CADM2: variants seen among roughly 807,000 people sequenced by gnomAD.
CADM2 encodes the protein cell adhesion molecule 2, also known as immunoglobulin superfamily member 4D.
CADM2 carries 12 observed loss-of-function variants against 49.8 expected under a neutral mutation model. That is an observed-to-expected ratio of 0.24 (90% CI 0.15 to 0.39). The LOEUF (loss-of-function observed/expected upper bound fraction) is 0.39, where lower values mean the gene tolerates loss of function less well. Among genes scored for constraint, CADM2 ranks in the 10% least tolerant of loss-of-function variants. The pLI is 1.00. For missense variants in CADM2, 378 were observed against 492.3 expected, an observed-to-expected ratio of 0.77 and a Z score of 2.20; for synonymous variants, 214 against 175.4, an observed-to-expected ratio of 1.22 and a Z score of -1.74.
intron 1 of CADM2, among the ~76,000 whole-genome samples, chr3:85,455,893 T>A (rs1432518306): frequency 6.6e-6 from 1 of 152,306 alleles, no homozygotes; most frequent in South Asian, 2.1e-4. Context: ...TCCAGGGATA[T>A]TCTGCTTCAT....
intron 1 of CADM2, among the ~76,000 whole-genome samples, chr3:85,444,144 C>A (rs561206028): frequency 1.3e-5 from 2 of 152,054 alleles, no homozygotes; most frequent in Non-Finnish European, 2.9e-5. Flanking sequence ...TATTTTAGCA[C>A]CTATAGAACT....
intron 1 of CADM2, among the ~76,000 whole-genome samples, chr3:84,961,831 T>G (rs2030554726): frequency 6.6e-6 from 1 of 152,216 alleles, no homozygotes; most frequent in Admixed American, 6.5e-5. Flanking sequence ...ATGTGGGCCA[T>G]GGACTGCACT....
intron 1 of CADM2, among the ~76,000 whole-genome samples, chr3:85,661,701 C>G (rs1468008189): frequency 6.6e-6 from 1 of 151,858 alleles, no homozygotes; most frequent in Non-Finnish European, 1.5e-5. Flanking sequence ...AAGTGAAAGA[C>G]CACTAGCTCA....
Position 85,034,790 on chromosome 3 carries a change from C to CTTTTTTTTTTTTTTTTTTTTTTTTTT in CADM2, c.61+75146_61+75147insTTTTTTTTTTTTTTTTTTTTTTTTTT, listed in dbSNP as rs1179967499. ...TATCTTTTAGATAAAAGACATTTTG[C>CTTTTTTTTTTTTTTTTTTTTTTTTTT]TTTTTTTTTTTTTTTTTTTTTTTTA... On this transcript the variant is annotated intron_variant, in intron 1 of 9. Transcript: ENST00000383699. Among the ~76,000 whole-genome samples the CTTTTTTTTTTTTTTTTTTTTTTTTTT allele has an allele frequency of 3.0e-4, 25 of 84,060 alleles. 2 individuals are homozygous for CTTTTTTTTTTTTTTTTTTTTTTTTTT. The highest frequency in any genetic ancestry group is 7.4e-4 in the East Asian group (2 of 2,700). 55.1% of individuals were successfully genotyped at this position (84,060 alleles called of 152,430 possible). A position where few individuals can be genotyped will look rare whatever the true frequency, so the allele number is the denominator to read the frequency against.
chr3:85,160,675 TACTC>T (rs1461059742), intron 1 of CADM2, among the ~76,000 whole-genome samples: 5 of 152,314 alleles, frequency 3.3e-5, no homozygotes, highest in African/African-American at 1.2e-4. Flanking sequence ...AAGTTAAAAA[TACTC>T]AGTTGTTATT....
At chr3:85,684,558 G>A (rs1437721066) in intron 1 of CADM2, among the ~76,000 whole-genome samples, 3 of 152,104 alleles carry the variant, frequency 2.0e-5, no homozygotes, top group African/African-American at 7.2e-5. Context: ...CATGCTGCTG[G>A]TAAAGACATA....
intron 1 of CADM2, among the ~76,000 whole-genome samples, chr3:85,589,795 T>C (rs2063052668): frequency 6.6e-6 from 1 of 151,986 alleles, no homozygotes; most frequent in Non-Finnish European, 1.5e-5. Flanking sequence ...GACCTTAGTT[T>C]AGGAATTTAT....
chr3:85,770,983 T>C (rs2070053233), intron 2 of CADM2, among the ~76,000 whole-genome samples: 2 of 152,324 alleles, frequency 1.3e-5, no homozygotes, highest in South Asian at 4.1e-4. Flanking sequence ...ATGATACATG[T>C]CACTTATCCT....
intron 8 of CADM2, among the ~76,000 whole-genome samples, chr3:86,040,459 G>A (rs1217548012): frequency 6.6e-6 from 1 of 152,094 alleles, no homozygotes; most frequent in East Asian, 1.9e-4. Context: ...TAGCTGATTC[G>A]ATCAACTGGA....
At chr3:85,471,696 T>TTATTTTATTTTATTG (rs1184793567) in intron 1 of CADM2, among the ~76,000 whole-genome samples, 2 of 149,724 alleles carry the variant, frequency 1.3e-5, no homozygotes, top group Non-Finnish European at 3.0e-5. Context: ...GCATTTTATT[T>TTATTTTATTTTATTG]TATTTTATTT....
intron 1 of CADM2, among the ~76,000 whole-genome samples, chr3:85,430,616 G>A (rs921794224): frequency 6.6e-6 from 1 of 151,092 alleles, no homozygotes; most frequent in Non-Finnish European, 1.5e-5. Flanking sequence ...AGGGGGCGGT[G>A]GGGGGGAGTA....
intron 1 of CADM2, among the ~76,000 whole-genome samples, chr3:85,282,729 C>T (rs1269624615): frequency 6.6e-6 from 1 of 152,018 alleles, no homozygotes; most frequent in African/African-American, 2.4e-5. Context: ...GTTTTTATTT[C>T]ATTCTGCATA....
intron 2 of CADM2, among the ~76,000 whole-genome samples, chr3:85,779,283 G>A (rs2070512238): frequency 6.6e-6 from 1 of 151,934 alleles, no homozygotes; most frequent in Non-Finnish European, 1.5e-5. Context: ...TATTTGTAAA[G>A]CTACTCTTTA....
intron 1 of CADM2, among the ~76,000 whole-genome samples, chr3:85,150,363 C>G (rs1424615707): frequency 2.0e-5 from 3 of 152,136 alleles, no homozygotes; most frequent in Non-Finnish European, 4.4e-5. Flanking sequence ...CACTGCTGAA[C>G]TCTCAGAGAC....
chr3:85,231,995 G>C (rs748315492), intron 1 of CADM2, among the ~76,000 whole-genome samples: 18 of 151,720 alleles, frequency 1.2e-4, no homozygotes, highest in Non-Finnish European at 2.5e-4. Context: ...GATTACAGAC[G>C]TGAGCCATTG....
At chr3:85,492,947 G>A (rs1300227397) in intron 1 of CADM2, among the ~76,000 whole-genome samples, 3 of 152,020 alleles carry the variant, frequency 2.0e-5, no homozygotes, top group Non-Finnish European at 4.4e-5. Context: ...TTTATAACTC[G>A]TATAAATTAG....
intron 8 of CADM2, among the ~76,000 whole-genome samples, chr3:86,047,019 T>A (rs1264348497): frequency 6.6e-6 from 1 of 152,072 alleles, no homozygotes; most frequent in Non-Finnish European, 1.5e-5. Flanking sequence ...AACATTTATC[T>A]AGTATCGTAA....
chr3:85,663,009 T>A (rs1044966981), intron 1 of CADM2, among the ~76,000 whole-genome samples: 2 of 152,012 alleles, frequency 1.3e-5, no homozygotes, highest in Non-Finnish European at 2.9e-5. Context: ...ATTACCTAGT[T>A]TTCGTAACTA....
chr3:85,584,972 A>C (rs2062896603), intron 1 of CADM2, among the ~76,000 whole-genome samples: 1 of 152,082 alleles, frequency 6.6e-6, no homozygotes, highest in Non-Finnish European at 1.5e-5. Context: ...GTCACCCTTT[A>C]GCCGCGGTTT....
Sources: allele counts gnomAD v4.1 joint callset (sites outside exome capture counted in the v4.1 genomes callset), GRCh38; gene constraint gnomAD v4.1.1; transcripts MANE v1.5; gene names NCBI Gene and HGNC (gene_info 2026-07-23, HGNC 2026-07-21).